The following KCNMA1 variants were observed in gnomAD, a reference collection of about 807,000 sequenced individuals.
The protein encoded by KCNMA1 is potassium calcium-activated channel subfamily M alpha 1.
Under a neutral mutation model 140.0 loss-of-function variants are expected in KCNMA1, and 29 were observed. That is an observed-to-expected ratio of 0.21 (90% CI 0.15 to 0.28). KCNMA1 has a LOEUF of 0.28. Among genes scored for constraint, KCNMA1 ranks in the 10% least tolerant of loss-of-function variants. The pLI is 1.00. For synonymous variants in KCNMA1, 612 were observed against 611.9 expected (o/e 1.00, Z 0.00); for missense variants, 880 against 1,602.2 (o/e 0.55, Z 7.70).
chr10:77,499,403 G>GTATATATA (rs71028280), intron 1 of KCNMA1, among the ~76,000 whole-genome samples: 21 of 142,508 alleles, frequency 1.5e-4, no homozygotes, highest in African/African-American at 4.7e-4. Context: ...CAGTAGGCAT[G>GTATATATA]TATATATATA....
intron 15 of KCNMA1, among the ~76,000 whole-genome samples, chr10:77,029,196 A>G (rs1470754723): frequency 6.6e-6 from 1 of 152,252 alleles, no homozygotes; most frequent in Non-Finnish European, 1.5e-5. Flanking sequence ...TACATACATG[A>G]TGTATGACAA....
intron 1 of KCNMA1, among the ~76,000 whole-genome samples, chr10:77,553,874 A>G (rs1166609176): frequency 6.6e-6 from 1 of 152,218 alleles, no homozygotes; most frequent in East Asian, 1.9e-4. Flanking sequence ...TCTAAAACCT[A>G]GAAGAGCATC....
intron 1 of KCNMA1, among the ~76,000 whole-genome samples, chr10:77,445,609 G>A (rs1351524611): frequency 2.6e-5 from 4 of 152,062 alleles, no homozygotes. Context: ...ACCAAGCATT[G>A]GGAGAAAGGG....
At chr10:77,157,864 T>G (rs35442566) in intron 5 of KCNMA1, among the ~76,000 whole-genome samples, 16,484 of 152,190 alleles carry the variant, frequency 0.11, 1,109 homozygotes, top group Middle Eastern at 0.18. Flanking sequence ...GTGAGCTCTG[T>G]CCTCTGGTCA....
chr10:76,887,069 T>C lies in KCNMA1; in HGVS notation c.*197A>G, dbSNP rs2037373426. 1.3e-6 allele frequency: 2 copies of C among 1,507,986 alleles called. No individual in the cohort carries two copies. The highest frequency in any genetic ancestry group is 1.8e-6 in the Non-Finnish European group (2 of 1,132,476). The allele number at this position is 1,507,986 out of a possible 1,614,324, so 93.4% of individuals were successfully genotyped here. ...AAATAACTTTTGGTCCGTCTGCTTATTTGCTGTTGTGCTCAAGGGTTTTAT... is the reference window on the plus strand; with the variant it reads ...AAATAACTTTTGGTCCGTCTGCTTACTTGCTGTTGTGCTCAAGGGTTTTAT... On this transcript the variant is annotated 3_prime_UTR_variant, in exon 28 of 28. Transcript: ENST00000286628.
At chr10:77,159,490 A>G (rs925365708) in intron 5 of KCNMA1, among the ~76,000 whole-genome samples, 22 of 152,158 alleles carry the variant, frequency 1.4e-4, no homozygotes, top group Admixed American at 4.6e-4. Context: ...AGACATAACG[A>G]AGTGACCTTG....
chr10:76,923,619 G>A (rs532614841), intron 23 of KCNMA1, among the ~76,000 whole-genome samples: 5 of 152,132 alleles, frequency 3.3e-5, no homozygotes, highest in African/African-American at 9.7e-5. Flanking sequence ...TTACCCAAGA[G>A]CTCATGGTAT....
intron 25 of KCNMA1, among the ~76,000 whole-genome samples, chr10:76,893,268 A>T (rs149423243): frequency 7.8e-4 from 119 of 152,292 alleles, no homozygotes; most frequent in African/African-American, 2.5e-3. Flanking sequence ...GGAAGCACTG[A>T]TAAACATTTT....
intron 13 of KCNMA1, among the ~76,000 whole-genome samples, chr10:77,074,745 G>A (rs2096333736): frequency 6.6e-6 from 1 of 152,210 alleles, no homozygotes; most frequent in African/African-American, 2.4e-5. Context: ...CTAAGACTCA[G>A]TAAGTATTTC....
In KCNMA1 at chr10:77,138,435, C is replaced by T. The variant is rs1306967528; in HGVS notation, c.809-17387G>A. 5.9e-5 allele frequency among the ~76,000 whole-genome samples: 9 copies of T among 152,036 alleles called. No individual in the cohort carries two copies. The South Asian group carries it at 1.0e-3, about 18-fold the overall frequency. ...CATTTTGCCTGGTCTGACTTTACAT[C>T]TTAAATATATGTGAAATAACTTATC... is the stretch of plus-strand genomic sequence containing the variant. On this transcript the variant is annotated intron_variant, in intron 5 of 27. Coordinates refer to ENST00000286628, the MANE Select transcript of KCNMA1 (RefSeq NM_001161352.2).
chr10:77,304,414 A>G (rs559069459), intron 2 of KCNMA1: 1 of 152,276 alleles, frequency 6.6e-6, no homozygotes, highest in East Asian at 1.9e-4. Context: ...CCCTAACCCC[A>G]GGATTTCCAT....
chr10:77,086,601 G>A lies in KCNMA1; in HGVS notation c.1335-8C>T, dbSNP rs200705730. The A allele has an allele frequency of 1.9e-6, 3 of 1,594,824 alleles. No homozygotes were observed. In the African/African-American group the frequency reaches 4.0e-5, roughly 21 times the overall value. On this transcript the variant is annotated splice_region_variant and splice_polypyrimidine_tract_variant and intron_variant, in intron 10 of 27. Coordinates refer to ENST00000286628, the MANE Select transcript of KCNMA1 (RefSeq NM_001161352.2). The stretch of plus-strand genomic sequence containing the variant: ...TCCAGGTTGGGGGAGATGCTACACA[G>A]GGAGAGAAGAAATCGCTATTAATTT...
intron 2 of KCNMA1, among the ~76,000 whole-genome samples, chr10:77,316,637 T>C (rs2080962510): frequency 6.6e-6 from 1 of 152,120 alleles, no homozygotes; most frequent in African/African-American, 2.4e-5. Context: ...CAAGCAAGGC[T>C]CTAGAGCTGG....
chr10:77,027,851 C>T lies in KCNMA1; in HGVS notation c.1900G>A (p.Glu634Lys). The change falls in exon 16 of 28, where the codon GAG (glutamate) becomes AAG (lysine). Residue 634 changes from glutamate (E) to lysine (K), a missense_variant. Coordinates refer to ENST00000286628, the MANE Select transcript of KCNMA1 (RefSeq NM_001161352.2). ...CTCTCTCGGTTGGCAGACTTGTACTCAATGGCTATCATTAGGAGCTTGAGC... is the reference window on the plus strand; with the variant it reads ...CTCTCTCGGTTGGCAGACTTGTACTTAATGGCTATCATTAGGAGCTTGAGC... ...VKLKLLMIAI[E>K]YKSANRESRI... is the part of the protein sequence containing the mutation. 1 of 1,613,972 alleles carries T rather than the reference C, an allele frequency of 6.2e-7. No homozygotes were observed. The highest frequency in any genetic ancestry group is 8.5e-7 in the Non-Finnish European group (1 of 1,179,918).
At chr10:77,204,979 C>T (rs747292846) in intron 3 of KCNMA1, among the ~76,000 whole-genome samples, 6 of 152,156 alleles carry the variant, frequency 3.9e-5, no homozygotes, top group Non-Finnish European at 2.9e-5. Flanking sequence ...CCCCAATTTT[C>T]CAGCCCATCA....
intron 15 of KCNMA1, among the ~76,000 whole-genome samples, chr10:77,035,490 G>T (rs1428657594): frequency 6.6e-6 from 1 of 152,034 alleles, no homozygotes; most frequent in Non-Finnish European, 1.5e-5. Flanking sequence ...GCCACCCTAG[G>T]GAAACTGAAT....
At chr10:77,213,355 G>T (rs189843633) in intron 3 of KCNMA1, among the ~76,000 whole-genome samples, 86 of 152,184 alleles carry the variant, frequency 5.7e-4, no homozygotes, top group Non-Finnish European at 9.9e-4. Flanking sequence ...GGAATCAAAG[G>T]CAGTAGGCGA....
intron 2 of KCNMA1, among the ~76,000 whole-genome samples, chr10:77,296,534 A>T (rs2075158522): frequency 6.6e-6 from 1 of 152,168 alleles, no homozygotes; most frequent in South Asian, 2.1e-4. Flanking sequence ...ATGTGTCAGA[A>T]GGGGGACCAT....
At chr10:77,460,713 T>G (rs1452014684) in intron 1 of KCNMA1, among the ~76,000 whole-genome samples, 1 of 152,096 alleles carries the variant, frequency 6.6e-6, no homozygotes, top group Non-Finnish European at 1.5e-5. Context: ...TGTTGTCACT[T>G]ATAAGTGGGA....
Sources: gnomAD v4.1 joint callset for allele counts (sites outside exome capture counted in the v4.1 genomes callset) on GRCh38, gnomAD v4.1.1 for gene constraint, MANE v1.5 for transcripts, NCBI Gene and HGNC (gene_info 2026-07-23, HGNC 2026-07-21) for gene names.